The following ZFHX3 variants were observed in gnomAD, a reference collection of about 807,000 sequenced individuals.
ZFHX3 encodes the protein zinc finger homeobox 3, also known as zinc finger homeobox protein 3.
Under a neutral mutation model 279.1 loss-of-function variants are expected in ZFHX3, and 42 were observed. That is an observed-to-expected ratio of 0.15 (90% CI 0.12 to 0.19). The LOEUF (loss-of-function observed/expected upper bound fraction) is 0.19, where lower values mean the gene tolerates loss of function less well. Among genes scored for constraint, ZFHX3 ranks in the 10% least tolerant of loss-of-function variants. ZFHX3 has a pLI of 1.00. For missense variants in ZFHX3, 4,981 were observed against 4,754.0 expected (o/e 1.05, Z -1.40); for synonymous variants, 2,293 against 1,957.8 (o/e 1.17, Z -4.52).
At chr16:72,922,576 C>T (rs775110082) in intron 3 of ZFHX3, among the ~76,000 whole-genome samples, 2 of 152,176 alleles carry the variant, frequency 1.3e-5, no homozygotes, top group Non-Finnish European at 2.9e-5. Context: ...AACCCAGGGA[C>T]CATGGTGACA....
intron 5 of ZFHX3, among the ~76,000 whole-genome samples, chr16:73,179,110 A>C (rs1967732063): frequency 6.6e-6 from 1 of 152,204 alleles, no homozygotes; most frequent in Admixed American, 6.5e-5. Context: ...CTGGACTTCT[A>C]ATATATTCTC....
At chr16:73,447,180 CAAAAAAA>C (rs61445002) in intron 3 of ZFHX3, among the ~76,000 whole-genome samples, 2 of 90,574 alleles carry the variant, frequency 2.2e-5, no homozygotes, top group Non-Finnish European at 4.8e-5. Context: ...GACTCCATCT[CAAAAAAA>C]AAAAAAAAAA....
intron 3 of ZFHX3, among the ~76,000 whole-genome samples, chr16:73,440,675 G>A (rs1212768386): frequency 1.3e-5 from 2 of 152,118 alleles, no homozygotes; most frequent in Non-Finnish European, 2.9e-5. Flanking sequence ...CAATTCACCA[G>A]CCACTATTTT....
chr16:73,033,528 C>G (rs939156413), intron 1 of ZFHX3, among the ~76,000 whole-genome samples: 15 of 150,278 alleles, frequency 1.0e-4, no homozygotes, highest in African/African-American at 3.7e-4. Context: ...AGGGGGCAGG[C>G]GGGGGGTGGG....
chr16:73,579,505 T>C (rs978974954), intron 2 of ZFHX3, among the ~76,000 whole-genome samples: 1 of 151,120 alleles, frequency 6.6e-6, no homozygotes, highest in Non-Finnish European at 1.5e-5. Flanking sequence ...ATTATTATAA[T>C]CTTTTTTTTT....
At chr16:73,775,940 G>A (rs930120999) in intron 1 of ZFHX3, among the ~76,000 whole-genome samples, 1 of 152,150 alleles carries the variant, frequency 6.6e-6, no homozygotes, top group African/African-American at 2.4e-5. Flanking sequence ...CAGCAGCCTA[G>A]TGTGGAAAAT....
At chr16:72,903,212 G>A (rs938973910) in intron 3 of ZFHX3, among the ~76,000 whole-genome samples, 2 of 152,180 alleles carry the variant, frequency 1.3e-5, no homozygotes, top group African/African-American at 2.4e-5. Flanking sequence ...GGCAGGTCCC[G>A]CCAAGAATCC....
At chr16:73,261,668 G>GTTTTTTTTTTTTTTTTTTT (rs1187489542) in intron 4 of ZFHX3, among the ~76,000 whole-genome samples, 1 of 80,716 alleles carries the variant, frequency 1.2e-5, no homozygotes, top group African/African-American at 4.8e-5. Context: ...TCCTGTGATT[G>GTTTTTTTTTTTTTTTTTTT]TTTTTTTTTT....
chr16:72,785,215 T>C lies in ZFHX3; in HGVS notation c.*1949A>G, dbSNP rs1330302292. On this transcript the variant is annotated 3_prime_UTR_variant, in exon 10 of 10. Transcript: ENST00000268489. ...TTTTAGCAGCACAAAGTTTTCAAAG[T>C]TCAGACCATTTATTTATTTTTCTTT... 6.5e-6 allele frequency: 1 copy of C among 152,688 alleles called. No individual in the cohort carries two copies. The highest frequency in any genetic ancestry group is 1.5e-5 in the Non-Finnish European group (1 of 68,042). The allele number at this position is 152,688 out of a possible 1,614,324, so 9.5% of individuals were successfully genotyped here. A position where few individuals can be genotyped will look rare whatever the true frequency, so the allele number is the denominator to read the frequency against.
chr16:73,629,108 A>G (rs148745939), intron 2 of ZFHX3, among the ~76,000 whole-genome samples: 26 of 152,324 alleles, frequency 1.7e-4, no homozygotes, highest in African/African-American at 6.0e-4. Context: ...GATGGAAACT[A>G]TAAATCTGTA....
intron 4 of ZFHX3, among the ~76,000 whole-genome samples, chr16:73,270,379 GC>G (rs2014106819): frequency 6.6e-6 from 1 of 152,158 alleles, no homozygotes; most frequent in Non-Finnish European, 1.5e-5. Flanking sequence ...GGAAAACATA[GC>G]CACGACCACT....
At chr16:73,065,016 C>A (rs1262741131) in intron 8 of ZFHX3, among the ~76,000 whole-genome samples, 1 of 152,248 alleles carries the variant, frequency 6.6e-6, no homozygotes, top group Non-Finnish European at 1.5e-5. Flanking sequence ...GGGCAAGAGA[C>A]CCTCGGTCGG....
chr16:73,092,944 A>G (rs751686324), intron 8 of ZFHX3: 15 of 519,888 alleles, frequency 2.9e-5, no homozygotes, highest in Non-Finnish European at 4.6e-5. Context: ...AGAAAAGCCA[A>G]CCTGTATCCC....
intron 1 of ZFHX3, among the ~76,000 whole-genome samples, chr16:72,964,027 C>T (rs889121827): frequency 6.6e-6 from 1 of 152,190 alleles, no homozygotes; most frequent in African/African-American, 2.4e-5. Flanking sequence ...ATATCCCATG[C>T]GGGATCACTC....
chr16:73,335,980 T>G (rs994890067), intron 3 of ZFHX3, among the ~76,000 whole-genome samples: 24 of 152,328 alleles, frequency 1.6e-4, no homozygotes, highest in African/African-American at 3.6e-4. Context: ...TTCTTCTAGT[T>G]CAATGCCCAG....
chr16:72,803,458 C>T (rs2036172141), intron 7 of ZFHX3, among the ~76,000 whole-genome samples: 1 of 152,166 alleles, frequency 6.6e-6, no homozygotes, highest in Admixed American at 6.5e-5. Context: ...TAACCAGGGT[C>T]ATGCCAAGTG....
At chr16:73,454,742 G>C (rs2018342741) in intron 3 of ZFHX3, among the ~76,000 whole-genome samples, 1 of 152,112 alleles carries the variant, frequency 6.6e-6, no homozygotes, top group Admixed American at 6.5e-5. Context: ...AGGGAGAGGA[G>C]CGAGACTACA....
chr16:73,104,221 G>GTATGTATTTATTTATT (rs57972353), intron 7 of ZFHX3, among the ~76,000 whole-genome samples: 43,531 of 151,530 alleles, frequency 0.29, 6,665 homozygotes, highest in Non-Finnish European at 0.34. Flanking sequence ...TTTATTTTAT[G>GTATGTATTTATTTATT]TATTTATTTA....
intron 1 of ZFHX3, among the ~76,000 whole-genome samples, chr16:72,991,749 C>G (rs1176911258): frequency 6.6e-6 from 1 of 152,150 alleles, no homozygotes; most frequent in Non-Finnish European, 1.5e-5. Context: ...CTCAGACTTC[C>G]AGGCCAGTGT....
Sources: gnomAD v4.1 joint callset for allele counts (sites outside exome capture counted in the v4.1 genomes callset) on GRCh38, gnomAD v4.1.1 for gene constraint, MANE v1.5 for transcripts, NCBI Gene and HGNC (gene_info 2026-07-23, HGNC 2026-07-21) for gene names.